The following MYH6 variants were observed in gnomAD, a reference collection of about 807,000 sequenced individuals.
MYH6 encodes the protein myosin-6.
MYH6 carries 126 observed loss-of-function variants against 223.2 expected under a neutral mutation model. That is an observed-to-expected ratio of 0.56 (90% CI 0.49 to 0.65). MYH6 has a LOEUF of 0.65. MYH6 is among the 30% of genes least tolerant of loss of function. The pLI, the probability that MYH6 is intolerant of heterozygous loss-of-function variation, is 0.00. For synonymous variants in MYH6, 978 were observed against 1,010.2 expected (o/e 0.97, Z 0.61); for missense variants, 2,040 against 2,536.4 (o/e 0.80, Z 4.20).
At chr14:23,392,150 G>T (rs1056940142) in intron 25 of MYH6, among the ~76,000 whole-genome samples, 1 of 152,046 alleles carries the variant, frequency 6.6e-6, no homozygotes. Context: ...TAGTGGCTGG[G>T]GTTAGTACCG....
At chr14:23,389,146 C>T (rs905864352) in intron 28 of MYH6, 91 bp from the exon 29 acceptor site, 2 of 1,425,362 alleles carry the variant, frequency 1.4e-6, no homozygotes, top group East Asian at 2.4e-5. Context: ...CAACCAAGCC[C>T]AGCCTTATTC....
chr14:23,383,335 G>A lies in MYH6; in HGVS notation c.5566-15C>T, dbSNP rs770872255. 1.4e-5 allele frequency: 7 copies of A among 488,970 alleles called. No individual in the cohort carries two copies. The highest frequency in any genetic ancestry group is 2.2e-5 in the Admixed American group (1 of 45,682). The allele number at this position is 488,970 out of a possible 1,614,324, so 30.3% of individuals were successfully genotyped here. A position where few individuals can be genotyped will look rare whatever the true frequency, so the allele number is the denominator to read the frequency against. On this transcript the variant is annotated splice_polypyrimidine_tract_variant and intron_variant, in intron 36 of 38. Transcript: ENST00000405093. Reference sequence around the variant, plus strand: ...TCTTCCTCTGTCTGGGGGTGGGAGGGTGGGAGAAGCTGGTTTGGAGGGGGA... The same window carrying A: ...TCTTCCTCTGTCTGGGGGTGGGAGGATGGGAGAAGCTGGTTTGGAGGGGGA...
At chr14:23,404,173 C>A in intron 8 of MYH6, 123 bp downstream of exon 8, 1 of 1,207,670 alleles carries the variant, frequency 8.3e-7, no homozygotes, top group Non-Finnish European at 1.2e-6. Context: ...CTCTTCCCAC[C>A]AACGTGTGCA....
intron 15 of MYH6, among the ~76,000 whole-genome samples, chr14:23,397,906 T>C (rs1187695466): frequency 1.3e-5 from 2 of 151,726 alleles, no homozygotes; most frequent in African/African-American, 4.9e-5. Flanking sequence ...TTCCACATTC[T>C]AGTTCTCCTC....
intron 15 of MYH6, among the ~76,000 whole-genome samples, chr14:23,397,973 CTTCTT>C (rs1891474996): frequency 7.4e-6 from 1 of 135,360 alleles, no homozygotes; most frequent in South Asian, 2.6e-4. Flanking sequence ...TCTTCTTCTT[CTTCTT>C]CTTCTTCTTC....
At position 23,405,502 on chromosome 14, in the gene MYH6, G is replaced by A. The variant is rs1891756025; in HGVS notation, c.346-123C>T. The A allele has an allele frequency of 2.1e-5, 34 of 1,594,740 alleles. No homozygotes were observed. Among genetic ancestry groups the A allele is most frequent in the Non-Finnish European group, 2.9e-5 (34 of 1,166,258 alleles). On this transcript the variant is annotated intron_variant, in intron 4 of 38. Transcript: ENST00000405093. This position sits in a 1 kb window ranked among gnomAD's most constrained non-coding sequence, Gnocchi z 4.7. Reference sequence around the variant, plus strand: ...CTACTCCTCCTGCAGCTGACTAGGGGTGGAGGGGGGAAGGGGACTTGGGTC... The same window carrying A: ...CTACTCCTCCTGCAGCTGACTAGGGATGGAGGGGGGAAGGGGACTTGGGTC...
chr14:23,396,494 C>A (rs536139088), intron 19 of MYH6, 74 bp from the exon 20 acceptor site: 16 of 1,591,162 alleles, frequency 1.0e-5, no homozygotes, highest in African/African-American at 2.7e-5. Context: ...CCTGGATGAG[C>A]TCCCAGGTGA....
intron 29 of MYH6, 91 bp from the exon 30 acceptor site, chr14:23,388,429 T>A: frequency 6.4e-7 from 1 of 1,561,700 alleles, no homozygotes; most frequent in Non-Finnish European, 8.8e-7. Flanking sequence ...TCCCTATATC[T>A]CCTTGAGACA....
At position 23,399,089 on chromosome 14, in the gene MYH6, C is replaced by T. The variant is rs1260979685; in HGVS notation, c.1582-52G>A. ...GAGAATCACTGAGCACACTCCCAGG[C>T]TTCCACAGTCCCATACCCTGACAGG... is the stretch of plus-strand genomic sequence containing the variant. On this transcript the variant is annotated intron_variant, in intron 14 of 38. Transcript: ENST00000405093. 2.5e-6 allele frequency: 4 copies of T among 1,601,438 alleles called. No homozygotes were observed. In the South Asian group the frequency reaches 3.3e-5, roughly 13 times the overall value.
At chr14:23,394,602 A>G (rs1160772122) in intron 20 of MYH6, among the ~76,000 whole-genome samples, 1 of 152,250 alleles carries the variant, frequency 6.6e-6, no homozygotes, top group African/African-American at 2.4e-5. Context: ...AGAACTTCAA[A>G]TATGTTAAAA....
Position 23,394,251 on chromosome 14 carries a change from G to T in MYH6, c.2502C>A (p.Leu834=). 1 of 1,614,172 alleles carries T rather than the reference G, an allele frequency of 6.2e-7. No homozygotes were observed. The highest frequency in any genetic ancestry group is 8.5e-7 in the Non-Finnish European group (1 of 1,180,042). Residue 834 remains leucine, a synonymous_variant, in exon 21 of 39, where the codon CTC becomes CTA. Transcript: ENST00000405093. ...MGVKNWPWMK[L]YFKIKPLLKS... ...TCAGCAGCGGCTTGATCTTGAAGTA[G>T]AGCTTCATCCAGGGCCAATTCTTGA...
At position 23,387,662 on chromosome 14, in the gene MYH6, C is replaced by T; in HGVS notation, c.4526-9G>A. On this transcript the variant is annotated splice_polypyrimidine_tract_variant and intron_variant, in intron 31 of 38. Transcript: ENST00000405093. The stretch of plus-strand genomic sequence containing the variant: ...AAGGTCCGAGATTTCCTCTGGGGAC[C>T]AGAGGGCCAGAAAGCTCAAAGCCTA... 1 of 1,614,102 alleles carries T rather than the reference C, an allele frequency of 6.2e-7. No homozygotes were observed. The highest frequency in any genetic ancestry group is 8.5e-7 in the Non-Finnish European group (1 of 1,180,012).
In MYH6 at chr14:23,405,645, G is replaced by C. The variant is rs147148031; in HGVS notation, c.327C>G (p.Tyr109Ter). The C allele has an allele frequency of 1.2e-6, 2 of 1,614,196 alleles. No individual in the cohort carries two copies. Among genetic ancestry groups the C allele is most frequent in the Non-Finnish European group, 1.7e-6 (2 of 1,180,034 alleles). Reference protein sequence around the residue: ...PAVLFNLKERYAAWMIYTYSG... With the variant: ...PAVLFNLKER Reference sequence around the variant, plus strand: ...CACTCACATATATCATCCAGGCCGCGTAGCGCTCCTTGAGGTTGAAAAGCA... The same window carrying C: ...CACTCACATATATCATCCAGGCCGCCTAGCGCTCCTTGAGGTTGAAAAGCA... Residue 109 changes from tyrosine (Y) to a stop codon, truncating the protein, a stop_gained, in exon 4 of 39, where the codon TAC becomes TAG. Coordinates refer to ENST00000405093, the MANE Select transcript of MYH6 (RefSeq NM_002471.4). LOFTEE classifies it high-confidence loss of function. This position sits in a 1 kb window ranked among gnomAD's most constrained non-coding sequence, Gnocchi z 4.7.
At position 23,383,339 on chromosome 14, in the gene MYH6, GA is replaced by G; in HGVS notation, c.5566-20del. 1.8e-5 allele frequency: 2 copies of G among 108,180 alleles called. No homozygotes were observed. The highest frequency in any genetic ancestry group is 9.5e-5 in the African/African-American group (1 of 10,530). 6.7% of individuals were successfully genotyped at this position (108,180 alleles called of 1,614,324 possible). A position where few individuals can be genotyped will look rare whatever the true frequency, so the allele number is the denominator to read the frequency against. ...CCTCTGTCTGGGGGTGGGAGGGTGGGAGAAGCTGGTTTGGAGGGGGAGCAAA... is the reference window on the plus strand; with the variant it reads ...CCTCTGTCTGGGGGTGGGAGGGTGGGGAAGCTGGTTTGGAGGGGGAGCAAA... On this transcript the variant is annotated intron_variant, in intron 36 of 38. Coordinates refer to ENST00000405093, the MANE Select transcript of MYH6 (RefSeq NM_002471.4).
At chr14:23,386,284 TC>T (rs759182189) in intron 33 of MYH6, 30 bp downstream of exon 33, 1 of 1,613,992 alleles carries the variant, frequency 6.2e-7, no homozygotes, top group South Asian at 1.1e-5. Context: ...TGGAGGCCAG[TC>T]CCCTGAGGGG....
intron 14 of MYH6, 97 bp downstream of exon 14, chr14:23,400,159 T>A (rs1384960110): frequency 6.3e-7 from 1 of 1,582,980 alleles, no homozygotes; most frequent in South Asian, 1.1e-5. Flanking sequence ...GGCCTGGGAT[T>A]CTTGGGACTC....
At position 23,384,899 on chromosome 14, in the gene MYH6, G is replaced by A. The variant is rs1890973832; in HGVS notation, c.5289+17C>T. On this transcript the variant is annotated intron_variant, in intron 35 of 38. Transcript: ENST00000405093. ...GTTTCTGTCTTTAGGGGAGGCGGAA[G>A]GTGGGCGGTCACTTACATCCGTGAT... is the stretch of plus-strand genomic sequence containing the variant. The A allele has an allele frequency of 6.2e-7, 1 of 1,613,740 alleles. No homozygotes were observed.
At position 23,397,929 on chromosome 14, in the gene MYH6, C is replaced by CTCCTCCTCTTCTTCTTCTTCT. The variant is rs1566512239; in HGVS notation, c.1892-317_1892-316insAGAAGAAGAAGAAGAGGAGGA. On this transcript the variant is annotated intron_variant, in intron 15 of 38. Coordinates refer to ENST00000405093, the MANE Select transcript of MYH6 (RefSeq NM_002471.4). ...TCTAGTTCTCCTCCTCCTCCTCCTCCTCCTCTTCTTCTTCTTCTTCTTCTT... is the reference window on the plus strand; with the variant it reads ...TCTAGTTCTCCTCCTCCTCCTCCTCCTCCTCCTCTTCTTCTTCTTCTTCCTCTTCTTCTTCTTCTTCTTCTT... Among the ~76,000 whole-genome samples, 77 of 123,128 alleles carry CTCCTCCTCTTCTTCTTCTTCT rather than the reference C, an allele frequency of 6.3e-4. 1 individual carries two copies. The highest frequency in any genetic ancestry group is 2.4e-3 in the African/African-American group (73 of 29,954). 80.8% of individuals were successfully genotyped at this position (123,128 alleles called of 152,430 possible). A position where few individuals can be genotyped will look rare whatever the true frequency, so the allele number is the denominator to read the frequency against.
At chr14:23,402,083 C>T (rs1891618856) in intron 12 of MYH6, among the ~76,000 whole-genome samples, 1 of 152,230 alleles carries the variant, frequency 6.6e-6, no homozygotes, top group Non-Finnish European at 1.5e-5. Flanking sequence ...ATGCCCTGGG[C>T]TATGTCCTGA....
Sources: allele counts gnomAD v4.1 joint callset (sites outside exome capture counted in the v4.1 genomes callset), GRCh38; gene constraint gnomAD v4.1.1; non-coding constraint Gnocchi (gnomAD v3.1); transcripts MANE v1.5; gene names NCBI Gene and HGNC (gene_info 2026-07-23, HGNC 2026-07-21).